Variants in KIAA0232 observed in about 807,000 individuals in gnomAD.
The protein encoded by KIAA0232 is KIAA0232.
In KIAA0232, 27 loss-of-function variants were observed where a neutral mutation model predicts 122.0. The ratio of observed to expected loss-of-function variants is 0.22; its 90% CI spans 0.16 to 0.31. The LOEUF is 0.31. Ranked by LOEUF, KIAA0232 falls within the 10% of genes least tolerant of loss-of-function variation. The pLI, the probability that KIAA0232 is intolerant of heterozygous loss-of-function variation, is 1.00. For missense variants in KIAA0232, 1,551 were observed against 1,634.2 expected (o/e 0.95, Z 0.88); for synonymous variants, 613 against 587.6 (o/e 1.04, Z -0.63).
At chr4:6,877,348 G>A (rs901765141) in intron 9 of KIAA0232, among the ~76,000 whole-genome samples, 21 of 152,248 alleles carry the variant, frequency 1.4e-4, no homozygotes, top group African/African-American at 5.1e-4. Context: ...CCTCCGCCTG[G>A]TTTAGTCTCG....
At chr4:6,797,894 CT>C (rs1229137109) in intron 1 of KIAA0232, among the ~76,000 whole-genome samples, 7 of 151,456 alleles carry the variant, frequency 4.6e-5, no homozygotes, top group African/African-American at 1.7e-4. Context: ...CCCATCTCTA[CT>C]AAAAATACAA....
chr4:6,862,782 A>G lies in KIAA0232; in HGVS notation c.2400A>G (p.Thr800=), dbSNP rs1720948057. Residue 800 remains threonine (T), a synonymous_variant, in exon 7 of 10, where the codon ACA becomes ACG. Transcript: ENST00000307659. ...GTGGTATTCAGCTAGAACAAAAAAC[A>G]GAAAACAAAAATTTTGAAACTACAC... is the stretch of plus-strand genomic sequence containing the variant. ...SVCGIQLEQK[T]ENKNFETTQV... 6.2e-7 allele frequency: 1 copy of G among 1,614,142 alleles called. No individual in the cohort carries two copies. Among genetic ancestry groups the G allele is most frequent in the Non-Finnish European group, 8.5e-7 (1 of 1,180,020 alleles).
chr4:6,785,281 G>A (rs1716568175), intron 1 of KIAA0232, among the ~76,000 whole-genome samples: 1 of 152,334 alleles, frequency 6.6e-6, no homozygotes, highest in African/African-American at 2.4e-5. Flanking sequence ...ATAGGGTAAT[G>A]TAGCTAGCCT....
chr4:6,868,363 G>T (rs999141497), intron 7 of KIAA0232, among the ~76,000 whole-genome samples: 1 of 152,228 alleles, frequency 6.6e-6, no homozygotes, highest in African/African-American at 2.4e-5. Flanking sequence ...TGCTGGTGGA[G>T]TCACATCCCA....
intron 1 of KIAA0232, among the ~76,000 whole-genome samples, chr4:6,794,149 A>T (rs1432295586): frequency 6.6e-6 from 1 of 152,218 alleles, no homozygotes; most frequent in Non-Finnish European, 1.5e-5. Flanking sequence ...ATTCCCGTGA[A>T]GAGAGGAGAG....
Position 6,862,224 on chromosome 4 carries a change from C to G in KIAA0232, c.1842C>G (p.Leu614=), listed in dbSNP as rs1251702967. ...ESFGGDSPVR[L]SPILDSTVLN... is the part of the protein sequence containing the mutation. ...TTGGAGGAGACTCTCCAGTTAGACT[C>G]TCTCCCATCTTAGACAGCACAGTGC... Residue 614 remains leucine, a synonymous_variant, in exon 7 of 10, where the codon CTC becomes CTG. Transcript: ENST00000307659. 4.3e-6 allele frequency: 7 copies of G among 1,614,076 alleles called. No homozygotes were observed. Among genetic ancestry groups the G allele is most frequent in the Admixed American group, 1.7e-5 (1 of 60,010 alleles).
In KIAA0232 at chr4:6,791,315, C is replaced by CTTTTTTT. The variant is rs10716163; in HGVS notation, c.-354+8496_-354+8502dup. Among the ~76,000 whole-genome samples, 35 of 82,664 alleles carry CTTTTTTT rather than the reference C, an allele frequency of 4.2e-4. 9 individuals are homozygous for CTTTTTTT. Among genetic ancestry groups the CTTTTTTT allele is most frequent in the African/African-American group, 2.0e-3 (31 of 15,550 alleles). The allele number at this position is 82,664 out of a possible 152,430, so 54.2% of individuals were successfully genotyped here. On this transcript the variant is annotated intron_variant, in intron 1 of 9. Coordinates refer to ENST00000307659, the MANE Select transcript of KIAA0232 (RefSeq NM_014743.3). ...GGAATACAAGTAGCTGTCATAAAGC[C>CTTTTTTT]TTTTTTTTTTTTTTTTTTTTTTTTT...
chr4:6,865,114 G>A (rs1171177784), intron 7 of KIAA0232, among the ~76,000 whole-genome samples: 1 of 152,148 alleles, frequency 6.6e-6, no homozygotes, highest in African/African-American at 2.4e-5. Context: ...GTGTTAATGA[G>A]AGTCATTGTA....
intron 5 of KIAA0232, among the ~76,000 whole-genome samples, chr4:6,858,181 G>C (rs539004645): frequency 1.0e-3 from 157 of 152,196 alleles, no homozygotes; most frequent in Non-Finnish European, 2.0e-3. Flanking sequence ...TGCCTCTAGA[G>C]CACTGTATCA....
At chr4:6,813,148 A>G (rs2108982290) in intron 2 of KIAA0232, among the ~76,000 whole-genome samples, 1 of 152,302 alleles carries the variant, frequency 6.6e-6, no homozygotes, top group Non-Finnish European at 1.5e-5. Context: ...GTCATATAGA[A>G]TATAAAAAGA....
chr4:6,871,827 C>T, intron 8 of KIAA0232, 145 bp downstream of exon 8: 1 of 605,256 alleles, frequency 1.7e-6, no homozygotes, highest in East Asian at 2.8e-5. Flanking sequence ...ACTGGGGACA[C>T]AGGGAGGAAT....
chr4:6,822,302 A>C (rs912854523), intron 2 of KIAA0232, among the ~76,000 whole-genome samples: 3 of 152,212 alleles, frequency 2.0e-5, no homozygotes, highest in African/African-American at 7.2e-5. Flanking sequence ...CAAAACATGT[A>C]TTAGTGACAC....
chr4:6,800,616 G>A (rs1035676021), intron 1 of KIAA0232, among the ~76,000 whole-genome samples: 7 of 151,964 alleles, frequency 4.6e-5, no homozygotes, highest in Non-Finnish European at 1.5e-5. Flanking sequence ...AGGAGGTGGA[G>A]GTTGTGGTGA....
intron 4 of KIAA0232, 98 bp downstream of exon 4, chr4:6,842,302 A>G: frequency 8.4e-7 from 1 of 1,186,958 alleles, no homozygotes; most frequent in Non-Finnish European, 1.2e-6. Context: ...CTGGGAAAAC[A>G]AAGTACTTAT....
intron 1 of KIAA0232, among the ~76,000 whole-genome samples, chr4:6,799,763 C>G (rs1374482943): frequency 2.0e-5 from 3 of 151,932 alleles, no homozygotes; most frequent in Admixed American, 6.6e-5. Context: ...GGCACAATCT[C>G]GACTCACTGC....
In KIAA0232 at chr4:6,863,009, A is replaced by T; in HGVS notation, c.2627A>T (p.Lys876Met). 6.2e-7 allele frequency: 1 copy of T among 1,614,214 alleles called. No individual in the cohort carries two copies. The highest frequency in any genetic ancestry group is 8.5e-7 in the Non-Finnish European group (1 of 1,180,026). The change falls in exon 7 of 10, where the codon AAG (lysine) becomes ATG (methionine). Residue 876 changes from lysine to methionine, a missense_variant. By Grantham distance (95) the Lys-to-Met change is moderately conservative (BLOSUM62 -1). Around this residue, in one of 5 missense-constraint regions of KIAA0232, gnomAD observed 1,108 missense variants for 1,154.8 expected, o/e 0.96. Transcript: ENST00000307659. ...CTGGAGACCCTTCAGGAGCCTGATA[A>T]GGCTGTGCGGAGGTCAGAGTACCAT... ...AELETLQEPD[K>M]AVRRSEYHLW...
chr4:6,835,560 T>C (rs1381632513), intron 3 of KIAA0232, among the ~76,000 whole-genome samples: 1 of 152,246 alleles, frequency 6.6e-6, no homozygotes, highest in East Asian at 1.9e-4. Flanking sequence ...GTTGGTTTGC[T>C]GCACCCATCA....
chr4:6,802,459 T>G (rs1000529355), intron 1 of KIAA0232, among the ~76,000 whole-genome samples: 2 of 152,190 alleles, frequency 1.3e-5, no homozygotes, highest in Non-Finnish European at 2.9e-5. Context: ...ATTTTTTGAT[T>G]GATTTCATTT....
chr4:6,818,555 C>T (rs189249963), intron 2 of KIAA0232, among the ~76,000 whole-genome samples: 83 of 151,900 alleles, frequency 5.5e-4, no homozygotes, highest in African/African-American at 1.6e-3. Context: ...GCAAGAAGGA[C>T]GATAAAATCA....
Sources: gnomAD v4.1 joint callset for allele counts (sites outside exome capture counted in the v4.1 genomes callset) on GRCh38, gnomAD v4.1.1 for gene constraint, gnomAD v4.1.1 regional missense constraint, MANE v1.5 for transcripts, NCBI Gene and HGNC (gene_info 2026-07-23, HGNC 2026-07-21) for gene names.